Variants in CCDC6 observed in about 807,000 individuals in gnomAD.
CCDC6 encodes coiled-coil domain containing 6, also known as coiled-coil domain-containing protein 6.
CCDC6 carries 20 observed loss-of-function variants against 56.6 expected under a neutral mutation model. The observed-to-expected ratio is 0.35, with a 90% CI of 0.25 to 0.51. The LOEUF is 0.51. Among genes scored for constraint, CCDC6 ranks in the 20% least tolerant of loss-of-function variants. The probability of loss-of-function intolerance (pLI) is 0.95; values close to 1 mark genes in which losing one functional copy is unlikely to be tolerated. For synonymous variants in CCDC6, 241 were observed against 234.4 expected (o/e 1.03, Z -0.26); for missense variants, 367 against 601.1 (o/e 0.61, Z 4.07).
chr10:59,856,848 T>C (rs1664284), intron 1 of CCDC6, among the ~76,000 whole-genome samples: 65,494 of 152,046 alleles, frequency 0.43, 14,864 homozygotes, highest in African/African-American at 0.59. Context: ...CATTTACCTA[T>C]AGCTCTGTAA....
chr10:59,878,158 C>T (rs1416056420), intron 1 of CCDC6, among the ~76,000 whole-genome samples: 1 of 152,124 alleles, frequency 6.6e-6, no homozygotes, highest in East Asian at 1.9e-4. Context: ...ATTTTAAGAA[C>T]ACCCATATTA....
chr10:59,812,130 A>T (rs2070678347), intron 5 of CCDC6, among the ~76,000 whole-genome samples: 1 of 151,654 alleles, frequency 6.6e-6, no homozygotes, highest in Admixed American at 6.6e-5. Flanking sequence ...ATAATCAAAT[A>T]TTCAGAAATC....
rs547673525 is a variant in CCDC6 at position 59,825,475 on chromosome 10, G to A, written c.582+7050C>T. Among the ~76,000 whole-genome samples, 5 of 152,264 alleles carry A rather than the reference G, an allele frequency of 3.3e-5. No homozygotes were observed. In the East Asian group the frequency reaches 9.7e-4, roughly 29 times the overall value. The stretch of plus-strand genomic sequence containing the variant: ...TTGTAAATTGCCCAGTCTAGGGTAT[G>A]TCTTCATCAGCAGCGTGAAAAAGGA... On this transcript the variant is annotated intron_variant, in intron 3 of 8. Coordinates refer to ENST00000263102, the MANE Select transcript of CCDC6 (RefSeq NM_005436.5).
rs374602904 is a variant in CCDC6, at chr10:59,794,517, G to T, written c.1186C>A (p.Pro396Thr). 6.2e-7 allele frequency: 1 copy of T among 1,614,098 alleles called. No individual in the cohort carries two copies. The highest frequency in any genetic ancestry group is 8.5e-7 in the Non-Finnish European group (1 of 1,179,954). Reference protein sequence around the residue: ...TRAGMSYYNSPGLHVQHMGTS... With the variant: ...TRAGMSYYNSTGLHVQHMGTS... Reference sequence around the variant, plus strand: ...CCCATGTGCTGCACGTGAAGACCCGGGGAATTGTAATAAGACATTCCAGCT... The same window carrying T: ...CCCATGTGCTGCACGTGAAGACCCGTGGAATTGTAATAAGACATTCCAGCT... The change falls in exon 8 of 9, where the codon CCG becomes ACG. Residue 396 changes from proline to threonine, a missense_variant. Physicochemically the swap from Pro to Thr is conservative, Grantham distance 38. This residue lies in a region of CCDC6 where 79 missense variants were observed against 83.9 expected (regional missense o/e 0.94). Transcript: ENST00000263102.
intron 1 of CCDC6, among the ~76,000 whole-genome samples, chr10:59,882,750 G>A (rs907300262): frequency 6.6e-6 from 1 of 151,326 alleles, no homozygotes; most frequent in Admixed American, 6.6e-5. Context: ...TATGAGGTTA[G>A]GAGATCGAGA....
chr10:59,813,719 G>A (rs554791959), intron 4 of CCDC6, among the ~76,000 whole-genome samples: 3 of 152,162 alleles, frequency 2.0e-5, no homozygotes, highest in Admixed American at 6.5e-5. Flanking sequence ...ATGACTTTTC[G>A]TAATTCAACT....
At chr10:59,887,278 C>T (rs1341678109) in intron 1 of CCDC6, among the ~76,000 whole-genome samples, 1 of 152,106 alleles carries the variant, frequency 6.6e-6, no homozygotes, top group East Asian at 1.9e-4. Flanking sequence ...CTACTGGCTA[C>T]TTCACAAGAC....
At chr10:59,811,821 C>G (rs1447670855) in intron 5 of CCDC6, among the ~76,000 whole-genome samples, 1 of 151,890 alleles carries the variant, frequency 6.6e-6, no homozygotes, top group African/African-American at 2.4e-5. Flanking sequence ...GAAGGGACAA[C>G]TGTATTTATT....
rs184200250 is a variant in CCDC6, at chr10:59,795,471, T to A, written c.1106-874A>T. On this transcript the variant is annotated intron_variant, in intron 7 of 8. Transcript: ENST00000263102. Reference sequence around the variant, plus strand: ...ATTATTATTTTTTTTCTTATTCATTTTTATTATTATTATTATTATACTTTA... The same window carrying A: ...ATTATTATTTTTTTTCTTATTCATTATTATTATTATTATTATTATACTTTA... Among the ~76,000 whole-genome samples, 1,102 of 150,602 alleles carry A rather than the reference T, an allele frequency of 7.3e-3. 17 individuals are homozygous for A. The highest frequency in any genetic ancestry group is 0.025 in the African/African-American group (1,043 of 40,930).
In CCDC6 at chr10:59,833,644, G is replaced by A. The variant is rs541079702; in HGVS notation, c.454-991C>T. On this transcript the variant is annotated intron_variant, in intron 2 of 8. Transcript: ENST00000263102. ...TATTTTTATAACACTCTCAACTGGG[G>A]GGGGGGGGGGTTTGTTGATCCACAG... is the stretch of plus-strand genomic sequence containing the variant. 1.8e-4 allele frequency among the ~76,000 whole-genome samples: 19 copies of A among 102,996 alleles called. 2 individuals carry two copies. The highest frequency in any genetic ancestry group is 8.1e-4 in the African/African-American group (16 of 19,668). 67.6% of individuals were successfully genotyped at this position (102,996 alleles called of 152,430 possible). A position where few individuals can be genotyped will look rare whatever the true frequency, so the allele number is the denominator to read the frequency against.
rs1163389525 is a variant in CCDC6 at position 59,876,054 on chromosome 10, CGAG to C, written c.304-23355_304-23353del. Reference sequence around the variant, plus strand: ...TGGCCAACAAGCCTACACACATACACGAGTGCATGCACAGATGTCTTTTTTTTT... The same window carrying C: ...TGGCCAACAAGCCTACACACATACACTGCATGCACAGATGTCTTTTTTTTT... On this transcript the variant is annotated intron_variant, in intron 1 of 8. Transcript: ENST00000263102. 5.4e-5 allele frequency among the ~76,000 whole-genome samples: 7 copies of C among 128,784 alleles called. No individual in the cohort carries two copies. In the East Asian group the frequency reaches 1.5e-3, roughly 27 times the overall value. The allele number at this position is 128,784 out of a possible 152,430, so 84.5% of individuals were successfully genotyped here.
chr10:59,862,586 T>C (rs12266466), intron 1 of CCDC6, among the ~76,000 whole-genome samples: 44,043 of 117,880 alleles, frequency 0.37, 10,240 homozygotes, highest in African/African-American at 0.51. Context: ...CACACACACA[T>C]ATATAAAACC....
intron 1 of CCDC6, among the ~76,000 whole-genome samples, chr10:59,898,967 A>T (rs1408420721): frequency 1.3e-5 from 2 of 152,254 alleles, no homozygotes; most frequent in East Asian, 3.8e-4. Context: ...CATATTGTTA[A>T]GCCTTTTTTA....
At chr10:59,830,549 G>A (rs2070826710) in intron 3 of CCDC6, among the ~76,000 whole-genome samples, 1 of 152,170 alleles carries the variant, frequency 6.6e-6, no homozygotes, top group African/African-American at 2.4e-5. Flanking sequence ...TTCATATGCT[G>A]GATCTGAGGC....
chr10:59,804,349 G>T, intron 7 of CCDC6, 71 bp downstream of exon 7: 1 of 878,078 alleles, frequency 1.1e-6, no homozygotes, highest in South Asian at 1.3e-5. Context: ...CACTAGAAGG[G>T]AACACAGTCA....
At chr10:59,874,038 T>C (rs1393127643) in intron 1 of CCDC6, among the ~76,000 whole-genome samples, 1 of 151,766 alleles carries the variant, frequency 6.6e-6, no homozygotes, top group African/African-American at 2.4e-5. Flanking sequence ...TGACATCTAA[T>C]ACTGAAAGAA....
chr10:59,869,438 A>AACAG (rs1554886533), intron 1 of CCDC6, among the ~76,000 whole-genome samples: 1 of 151,068 alleles, frequency 6.6e-6, no homozygotes, highest in African/African-American at 2.4e-5. Flanking sequence ...AGAAAAAAAA[A>AACAG]AAACAGAAAC....
chr10:59,806,848 T>C (rs2070629351), intron 6 of CCDC6, 74 bp downstream of exon 6: 1 of 1,444,134 alleles, frequency 6.9e-7, no homozygotes, highest in Non-Finnish European at 9.5e-7. Context: ...CCTAACAGGA[T>C]ACCAAAGAAA....
At chr10:59,882,049 G>C (rs750261939) in intron 1 of CCDC6, among the ~76,000 whole-genome samples, 619 of 40,926 alleles carry the variant, frequency 0.015, 38 homozygotes, top group African/African-American at 0.051. Flanking sequence ...AGGAAAGCCA[G>C]GGGGAGAAGG....
Sources: gnomAD v4.1 joint callset for allele counts (sites outside exome capture counted in the v4.1 genomes callset) on GRCh38, gnomAD v4.1.1 for gene constraint, gnomAD v4.1.1 regional missense constraint, MANE v1.5 for transcripts, NCBI Gene and HGNC (gene_info 2026-07-23, HGNC 2026-07-21) for gene names.